NBPF15: variants seen among roughly 807,000 people sequenced by gnomAD.
NBPF15 encodes NBPF member 15.
In NBPF15, 74 loss-of-function variants were observed where a neutral mutation model predicts 62.2. That is an observed-to-expected ratio of 1.19 (90% CI 0.99 to 1.44). NBPF15 has a LOEUF of 1.44. NBPF15 is among the 40% of genes most tolerant of loss of function. NBPF15 has a pLI of 0.00. For missense variants in NBPF15, 790 were observed against 550.0 expected, an observed-to-expected ratio of 1.44 and a Z score of -4.36; for synonymous variants, 244 against 209.7, an observed-to-expected ratio of 1.16 and a Z score of -1.41.
At chr1:144,448,286 T>C (rs587738020) in intron 6 of NBPF15, among the ~76,000 whole-genome samples, 49 of 152,172 alleles carry the variant, frequency 3.2e-4, no homozygotes, top group Non-Finnish European at 5.7e-4. Flanking sequence ...GGCTACTTTG[T>C]TTTTGGAAGC....
intron 4 of NBPF15, among the ~76,000 whole-genome samples, chr1:144,451,119 T>C (rs1690831769): frequency 6.6e-6 from 1 of 151,584 alleles, no homozygotes; most frequent in South Asian, 2.1e-4. Flanking sequence ...GGCAGGACAA[T>C]AGGATAATAG....
At position 144,456,614 on chromosome 1, in the gene NBPF15, C is replaced by T. The variant is rs1648060136; in HGVS notation, c.-509G>A. The T allele has an allele frequency of 2.0e-6, 3 of 1,506,764 alleles. No individual in the cohort carries two copies. The highest frequency in any genetic ancestry group is 2.7e-6 in the Non-Finnish European group (3 of 1,121,122). The allele number at this position is 1,506,764 out of a possible 1,614,324, so 93.3% of individuals were successfully genotyped here. The stretch of plus-strand genomic sequence containing the variant: ...GGTGCACCGAATGGGGAAGTTTCTA[C>T]ATCAGTACCTCGGAGAGTCCACTGG... On this transcript the variant is annotated 5_prime_UTR_variant, in exon 4 of 22. An upstream start codon of the reference 5' UTR is lost. Transcript: ENST00000581897.
chr1:144,461,000 A>G (rs1403356883), intron 1 of NBPF15, 39 bp from the exon 2 acceptor site: 2 of 150,914 alleles, frequency 1.3e-5, no homozygotes, highest in Non-Finnish European at 1.5e-5. Context: ...GGAGGCCAAT[A>G]AAGACCCCAA....
At position 144,434,597 on chromosome 1, in the gene NBPF15, A is replaced by C. The variant is rs1474946423; in HGVS notation, c.772+514T>G. 1.6e-4 allele frequency among the ~76,000 whole-genome samples: 24 copies of C among 149,030 alleles called. No individual in the cohort carries two copies. In the East Asian group the frequency reaches 4.8e-3, roughly 30 times the overall value. On this transcript the variant is annotated intron_variant, in intron 12 of 21. Coordinates refer to ENST00000581897, the MANE Select transcript of NBPF15 (RefSeq NM_001385408.1). ...GAGAACCAGGGTCCAGCCTTGCTTT[A>C]TGGAAATATATCAGCAAAGTAAAGA... is the stretch of plus-strand genomic sequence containing the variant.
intron 21 of NBPF15, 61 bp from the exon 22 acceptor site, chr1:144,423,317 C>T: frequency 1.2e-6 from 2 of 1,610,746 alleles, no homozygotes; most frequent in South Asian, 1.1e-5. Flanking sequence ...CAGAGCCCCA[C>T]TAGATTTCAG....
In NBPF15 at chr1:144,443,573, A is replaced by G. The variant is rs1485514227; in HGVS notation, c.-190-3278T>C. Among the ~76,000 whole-genome samples, 3 of 151,990 alleles carry G rather than the reference A, an allele frequency of 2.0e-5. 1 individual carries two copies. The East Asian group carries it at 5.8e-4, about 29-fold the overall frequency. The stretch of plus-strand genomic sequence containing the variant: ...CTTCCAATCAATGAACATGATATAT[A>G]TTTATTTAGCCTTCTTTAATTTTTC... On this transcript the variant is annotated intron_variant, in intron 6 of 21. Transcript: ENST00000581897.
Position 144,423,165 on chromosome 1 carries a change from G to A in NBPF15, c.1861C>T (p.Gln621Ter). ...CTGTAGTGCTGGAATGAGTCAGGTT[G>A]TTCAAAGTACATTGACGGAGTCGAA... ...CYSTPSMYFE[Q>*]PDSFQHYRSV... Residue 621 changes from glutamine to a stop codon, truncating the protein, a stop_gained, in exon 22 of 22, where the codon CAA becomes TAA. Coordinates refer to ENST00000581897, the MANE Select transcript of NBPF15 (RefSeq NM_001385408.1). LOFTEE classifies it high-confidence loss of function. 1 of 1,611,586 alleles carries A rather than the reference G, an allele frequency of 6.2e-7. No individual in the cohort carries two copies. Among genetic ancestry groups the A allele is most frequent in the Non-Finnish European group, 8.5e-7 (1 of 1,179,602 alleles).
Position 144,459,441 on chromosome 1 carries a change from G to C in NBPF15, c.-776C>G, listed in dbSNP as rs1553547825. ...TGGGAGGTCAAGGTTGCGGTCAGCT[G>C]TGATTGTGCCACTGCACTCCAGCCT... On this transcript the variant is annotated 5_prime_UTR_variant, in exon 3 of 22. Coordinates refer to ENST00000581897, the MANE Select transcript of NBPF15 (RefSeq NM_001385408.1). 6.6e-6 allele frequency: 1 copy of C among 152,096 alleles called. No individual in the cohort carries two copies. The highest frequency in any genetic ancestry group is 2.4e-5 in the African/African-American group (1 of 41,386). 9.4% of individuals were successfully genotyped at this position (152,096 alleles called of 1,614,324 possible). A position where few individuals can be genotyped will look rare whatever the true frequency, so the allele number is the denominator to read the frequency against.
At chr1:144,426,649 GGA>G (rs1296540449) in intron 17 of NBPF15, among the ~76,000 whole-genome samples, 199 bp from the exon 18 acceptor site, 6 of 149,392 alleles carry the variant, frequency 4.0e-5, no homozygotes, top group Non-Finnish European at 4.5e-5. Flanking sequence ...ACAGGGAGAG[GGA>G]GAGAGAGAGA....
At chr1:144,438,790 C>T (rs1182701664) in intron 8 of NBPF15, among the ~76,000 whole-genome samples, 1 of 151,818 alleles carries the variant, frequency 6.6e-6, no homozygotes, top group East Asian at 1.9e-4. Context: ...AACTGAGGGA[C>T]AGACAAGACA....
chr1:144,450,366 G>C (rs1690289105), intron 5 of NBPF15, among the ~76,000 whole-genome samples: 1 of 151,442 alleles, frequency 6.6e-6, no homozygotes, highest in Admixed American at 6.6e-5. Flanking sequence ...AAACAGACAG[G>C]TAAGGAGGAA....
chr1:144,423,798 C>G (rs1352103993), intron 21 of NBPF15, 72 bp downstream of exon 21: 3 of 737,462 alleles, frequency 4.1e-6, no homozygotes, highest in East Asian at 2.4e-5. Context: ...ATCAAACACA[C>G]TCTGGTTTCC....
chr1:144,423,303 A>G, intron 21 of NBPF15, 47 bp from the exon 22 acceptor site: 1 of 1,611,444 alleles, frequency 6.2e-7, no homozygotes, highest in Non-Finnish European at 8.5e-7. Context: ...AAAATCAGAC[A>G]CCACAGAGCC....
intron 14 of NBPF15, among the ~76,000 whole-genome samples, chr1:144,428,969 G>T (rs1300291989): frequency 6.6e-6 from 1 of 152,070 alleles, no homozygotes; most frequent in East Asian, 1.9e-4. Context: ...ACACCTCATA[G>T]GAGAGATACT....
intron 6 of NBPF15, among the ~76,000 whole-genome samples, chr1:144,440,964 G>A (rs1273895982): frequency 3.3e-5 from 5 of 151,612 alleles, no homozygotes; most frequent in African/African-American, 4.8e-5. Context: ...CACCGCACCC[G>A]GCCGACTTCT....
chr1:144,452,358 A>C (rs1489056694), intron 4 of NBPF15, among the ~76,000 whole-genome samples: 5 of 151,908 alleles, frequency 3.3e-5, no homozygotes, highest in Non-Finnish European at 7.4e-5. Context: ...ATGTTCCCCC[A>C]AAAACCATCC....
intron 13 of NBPF15, among the ~76,000 whole-genome samples, chr1:144,431,330 T>A (rs1238076347): frequency 8.0e-5 from 12 of 149,810 alleles, no homozygotes; most frequent in African/African-American, 2.8e-4. Flanking sequence ...GAGAGAAAGG[T>A]CGGATTACCC....
In NBPF15 at chr1:144,433,168, C is replaced by T. The variant is rs1448029815; in HGVS notation, c.824+605G>A. 3.3e-5 allele frequency among the ~76,000 whole-genome samples: 5 copies of T among 152,040 alleles called. 1 individual carries two copies. The highest frequency in any genetic ancestry group is 7.4e-5 in the Non-Finnish European group (5 of 67,986). ...AAACTCACTCAAAACCGCACAACTACATGGAAACTCAACAACCTGCTCCTG... is the reference window on the plus strand; with the variant it reads ...AAACTCACTCAAAACCGCACAACTATATGGAAACTCAACAACCTGCTCCTG... On this transcript the variant is annotated intron_variant, in intron 13 of 21. Transcript: ENST00000581897.
chr1:144,439,354 C>T (rs1435665626), intron 8 of NBPF15, among the ~76,000 whole-genome samples: 3 of 152,056 alleles, frequency 2.0e-5, no homozygotes, highest in Non-Finnish European at 2.9e-5. Context: ...CTCTTGAAGC[C>T]CCTCAGAGCA....
Sources: gnomAD v4.1 joint callset for allele counts (sites outside exome capture counted in the v4.1 genomes callset) on GRCh38, gnomAD v4.1.1 for gene constraint, MANE v1.5 for transcripts, NCBI Gene and HGNC (gene_info 2026-07-23, HGNC 2026-07-21) for gene names.